Variants in XKR6 observed in about 807,000 individuals in gnomAD.
XKR6 encodes the protein XK related 6.
A neutral mutation model predicts 56.7 loss-of-function variants in XKR6; 22 were observed. The observed-to-expected ratio is 0.39, with a 90% CI of 0.28 to 0.55. The LOEUF is 0.55. Ranked by LOEUF, XKR6 falls within the 20% of genes least tolerant of loss-of-function variation. The pLI, the probability that XKR6 is intolerant of heterozygous loss-of-function variation, is 0.66. For missense variants in XKR6, 852 were observed against 889.0 expected, an observed-to-expected ratio of 0.96 and a Z score of 0.53; for synonymous variants, 524 against 387.8, an observed-to-expected ratio of 1.35 and a Z score of -4.13.
Position 10,987,122 on chromosome 8 carries a change from A to G in XKR6, c.765-62292T>C, listed in dbSNP as rs184272874. Among the ~76,000 whole-genome samples, 7 of 152,306 alleles carry G rather than the reference A, an allele frequency of 4.6e-5. 1 individual carries two copies. The highest frequency in any genetic ancestry group is 3.4e-3 in the Middle Eastern group (1 of 294). On this transcript the variant is annotated intron_variant, in intron 1 of 2. Transcript: ENST00000416569. ...AAGTGCATGATATGTAGTAATCTAT[A>G]AATATTACCCATGTAGTAAGAAAGT...
intron 1 of XKR6, among the ~76,000 whole-genome samples, chr8:10,927,758 G>T (rs4585708): frequency 0.013 from 1,906 of 152,250 alleles, 84 homozygotes; most frequent in East Asian, 0.091. Context: ...ATGCTCTCCT[G>T]GGTGTGAGCA....
intron 2 of XKR6, among the ~76,000 whole-genome samples, chr8:10,909,994 C>A (rs750033780): frequency 2.4e-4 from 37 of 151,258 alleles, no homozygotes; most frequent in Non-Finnish European, 4.6e-4. Flanking sequence ...GCTGGGGGGA[C>A]CTTTTTCAGT....
chr8:11,061,704 C>T (rs1164031649), intron 1 of XKR6, among the ~76,000 whole-genome samples: 10 of 152,188 alleles, frequency 6.6e-5, no homozygotes, highest in African/African-American at 9.6e-5. Flanking sequence ...GAGAATTAAA[C>T]ATCCATTCCC....
intron 1 of XKR6, among the ~76,000 whole-genome samples, chr8:11,050,513 G>A (rs955122570): frequency 6.7e-6 from 1 of 150,368 alleles, no homozygotes; most frequent in Admixed American, 6.6e-5. Context: ...CAAATCCAAG[G>A]GACAGAAAAG....
chr8:10,917,886 C>G (rs141360235), intron 2 of XKR6, among the ~76,000 whole-genome samples: 31 of 152,340 alleles, frequency 2.0e-4, no homozygotes, highest in African/African-American at 7.2e-4. Context: ...TACACGTTTT[C>G]TCAAATGCTT....
chr8:11,166,148 G>C (rs1802059442), intron 1 of XKR6, among the ~76,000 whole-genome samples: 1 of 151,954 alleles, frequency 6.6e-6, no homozygotes, highest in Admixed American at 6.6e-5. Flanking sequence ...GCAGAGACGG[G>C]GTTTTGCCAT....
intron 1 of XKR6, among the ~76,000 whole-genome samples, chr8:10,998,938 G>T (rs1274209460): frequency 6.6e-6 from 1 of 152,194 alleles, no homozygotes; most frequent in Non-Finnish European, 1.5e-5. Context: ...TGTAGCCTGA[G>T]AATCAAACCC....
chr8:11,087,828 G>A (rs545780458), intron 1 of XKR6, among the ~76,000 whole-genome samples: 7 of 152,268 alleles, frequency 4.6e-5, no homozygotes, highest in South Asian at 2.1e-4. Context: ...GTGAGTTTCC[G>A]TCACTAGAAA....
intron 1 of XKR6, among the ~76,000 whole-genome samples, chr8:10,944,689 C>T (rs13280540): frequency 0.045 from 6,826 of 152,228 alleles, 168 homozygotes; most frequent in Middle Eastern, 0.099. Flanking sequence ...TGGCTGGCTC[C>T]GAGAAACTTC....
chr8:11,028,546 C>A (rs567953934), intron 1 of XKR6, among the ~76,000 whole-genome samples: 1 of 152,308 alleles, frequency 6.6e-6, no homozygotes, highest in Admixed American at 6.5e-5. Flanking sequence ...TGAGTTCCCA[C>A]CAGCAATGAA....
At chr8:11,113,996 G>A in intron 1 of XKR6, 1 of 387,206 alleles carries the variant, frequency 2.6e-6, no homozygotes, top group Non-Finnish European at 5.0e-6. Flanking sequence ...GGCTGAAGTG[G>A]TTTCAGGACG....
chr8:11,006,228 G>T (rs2129144477), intron 1 of XKR6, among the ~76,000 whole-genome samples: 1 of 152,320 alleles, frequency 6.6e-6, no homozygotes, highest in Middle Eastern at 3.4e-3. Context: ...TGAGAAATGA[G>T]CTGGGGAGAG....
At chr8:11,017,508 G>C (rs893133438) in intron 1 of XKR6, among the ~76,000 whole-genome samples, 2 of 152,236 alleles carry the variant, frequency 1.3e-5, no homozygotes, top group African/African-American at 4.8e-5. Flanking sequence ...CAAGTAACAC[G>C]ACATTTGTTC....
At chr8:10,912,636 G>C (rs904609821) in intron 2 of XKR6, among the ~76,000 whole-genome samples, 2 of 110,896 alleles carry the variant, frequency 1.8e-5, no homozygotes, top group African/African-American at 4.0e-5. Flanking sequence ...TATATGTAAA[G>C]AGAGAAAGAG....
Position 10,927,980 on chromosome 8 carries a change from C to G in XKR6, c.765-3150G>C, listed in dbSNP as rs376123638. On this transcript the variant is annotated intron_variant, in intron 1 of 2. Transcript: ENST00000416569. ...GCCCTGCCCAGGAGTTCCTGACAGC[C>G]AAGCCTCAATGCAAATGCTCATCCT... Among the ~76,000 whole-genome samples the G allele has an allele frequency of 3.3e-4, 51 of 152,354 alleles. No homozygotes were observed. The East Asian group carries it at 3.9e-3, about 12-fold the overall frequency.
At chr8:11,147,499 T>C (rs558808344) in intron 1 of XKR6, among the ~76,000 whole-genome samples, 1 of 151,644 alleles carries the variant, frequency 6.6e-6, no homozygotes, top group East Asian at 2.0e-4. Flanking sequence ...CTACTAAAAA[T>C]ACAAAAATTA....
At chr8:11,031,065 C>A (rs1005058241) in intron 1 of XKR6, among the ~76,000 whole-genome samples, 8 of 152,282 alleles carry the variant, frequency 5.3e-5, no homozygotes, top group African/African-American at 1.9e-4. Flanking sequence ...CTAACTGCTC[C>A]CTTCCTTCAC....
At chr8:11,150,032 A>T (rs1383071048) in intron 1 of XKR6, among the ~76,000 whole-genome samples, 1 of 152,174 alleles carries the variant, frequency 6.6e-6, no homozygotes, top group Non-Finnish European at 1.5e-5. Context: ...GATCTCATGG[A>T]GGTAGAGAGT....
chr8:10,951,561 T>C (rs1321547102), intron 1 of XKR6, among the ~76,000 whole-genome samples: 1 of 152,232 alleles, frequency 6.6e-6, no homozygotes, highest in Non-Finnish European at 1.5e-5. Context: ...CTCGCCCTCT[T>C]ACACAGGCCC....
Sources: allele counts gnomAD v4.1 joint callset (sites outside exome capture counted in the v4.1 genomes callset), GRCh38; gene constraint gnomAD v4.1.1; transcripts MANE v1.5; gene names NCBI Gene and HGNC (gene_info 2026-07-23, HGNC 2026-07-21).